Variants in GNG7 observed in about 807,000 individuals in gnomAD.
GNG7 encodes guanine nucleotide-binding protein G(I)/G(S)/G(O) subunit gamma-7.
GNG7 carries 1 observed loss-of-function variant against 4.0 expected under a neutral mutation model. The ratio of observed to expected loss-of-function variants is 0.25; its 90% CI spans 0.09 to 1.18. The LOEUF (loss-of-function observed/expected upper bound fraction) is 1.18, where lower values mean the gene tolerates loss of function less well. Among genes scored for constraint, GNG7 ranks in the 50% most tolerant of loss-of-function variants. The probability of loss-of-function intolerance (pLI) is 0.50; values close to 1 mark genes in which losing one functional copy is unlikely to be tolerated. For synonymous variants in GNG7, 34 were observed against 36.9 expected (o/e 0.92, Z 0.29); for missense variants, 86 against 91.9 (o/e 0.94, Z 0.26).
rs115940261 is a variant in GNG7, at chr19:2,672,440, C to T, written c.-134-26160G>A. Among the ~76,000 whole-genome samples, 728 of 145,674 alleles carry T rather than the reference C, an allele frequency of 5.0e-3. 7 individuals carry two copies. The highest frequency in any genetic ancestry group is 0.017 in the African/African-American group (680 of 40,680). On this transcript the variant is annotated intron_variant, in intron 1 of 4. Coordinates refer to ENST00000382159, the MANE Select transcript of GNG7 (RefSeq NM_052847.3). ...CAAAGTGTTGGAATTACAGGTGTGA[C>T]GCCCGATTTTTTTTTTTTTCTTTTG...
At chr19:2,584,446 A>G (rs1980585501) in intron 2 of GNG7, among the ~76,000 whole-genome samples, 1 of 151,422 alleles carries the variant, frequency 6.6e-6, no homozygotes, top group South Asian at 2.1e-4. Context: ...TTGTCTCAAA[A>G]AATAAAAAAA....
chr19:2,685,088 C>T (rs1456129111), intron 1 of GNG7, among the ~76,000 whole-genome samples: 1 of 151,530 alleles, frequency 6.6e-6, no homozygotes, highest in East Asian at 1.9e-4. Flanking sequence ...CGCACGACTG[C>T]ACTCCAGCCT....
chr19:2,638,943 C>G (rs770653818), intron 2 of GNG7, among the ~76,000 whole-genome samples: 2 of 152,080 alleles, frequency 1.3e-5, no homozygotes, highest in Non-Finnish European at 2.9e-5. Context: ...GTATAACAAA[C>G]ATTTAAAATC....
At chr19:2,554,844 T>C (rs1257548056) in intron 3 of GNG7, among the ~76,000 whole-genome samples, 1 of 152,186 alleles carries the variant, frequency 6.6e-6, no homozygotes, top group Admixed American at 6.6e-5. Flanking sequence ...CGTGAGCCAC[T>C]GCACCTGGCT....
chr19:2,631,550 GAACAGAGA>G (rs1341012564), intron 2 of GNG7, among the ~76,000 whole-genome samples: 2 of 152,170 alleles, frequency 1.3e-5, no homozygotes, highest in African/African-American at 4.8e-5. Context: ...ACAGGAAGTG[GAACAGAGA>G]ACTTGGCCCA....
At chr19:2,650,576 C>T (rs1286033807) in intron 1 of GNG7, among the ~76,000 whole-genome samples, 2 of 152,206 alleles carry the variant, frequency 1.3e-5, no homozygotes, top group Non-Finnish European at 1.5e-5. Flanking sequence ...CCCTGGCTGT[C>T]CTCAAGACCT....
intron 2 of GNG7, among the ~76,000 whole-genome samples, chr19:2,586,901 C>CT (rs763753755): frequency 1.6e-4 from 24 of 147,294 alleles, no homozygotes; most frequent in Non-Finnish European, 3.0e-4. Flanking sequence ...AGGAGAATCG[C>CT]TTGAGCCGGG....
chr19:2,525,869 GCGCGATCTCAGCTCACTGCAACCTC>G (rs1451420012), intron 3 of GNG7, among the ~76,000 whole-genome samples: 1 of 151,802 alleles, frequency 6.6e-6, no homozygotes, highest in African/African-American at 2.4e-5. Flanking sequence ...AAGTGCGGTG[GCGCGATCTCAGCTCACTGCAACCTC>G]CGCCTTCCGG....
intron 2 of GNG7, among the ~76,000 whole-genome samples, chr19:2,625,375 GT>G (rs558583509): frequency 1.1e-3 from 168 of 152,164 alleles, no homozygotes; most frequent in African/African-American, 3.9e-3. Flanking sequence ...CCCAGCCAGG[GT>G]TTTTATTTTT....
intron 1 of GNG7, among the ~76,000 whole-genome samples, chr19:2,686,160 A>ATT (rs200980036): frequency 2.1e-4 from 30 of 143,254 alleles, no homozygotes; most frequent in African/African-American, 5.1e-4. Context: ...CTGTCTCAGC[A>ATT]TTTTTTTTTT....
chr19:2,674,760 A>T (rs1983552290), intron 1 of GNG7, among the ~76,000 whole-genome samples: 1 of 152,200 alleles, frequency 6.6e-6, no homozygotes, highest in South Asian at 2.1e-4. Flanking sequence ...TTTAAAACAC[A>T]GAGGACACCT....
chr19:2,648,873 T>TG (rs111816187), intron 1 of GNG7, among the ~76,000 whole-genome samples: 1 of 118,320 alleles, frequency 8.5e-6, no homozygotes, highest in Non-Finnish European at 1.8e-5. Flanking sequence ...GAATCATGTG[T>TG]TTTTTTTTTT....
At chr19:2,571,197 C>A (rs1980135000) in intron 2 of GNG7, among the ~76,000 whole-genome samples, 1 of 152,148 alleles carries the variant, frequency 6.6e-6, no homozygotes, top group Non-Finnish European at 1.5e-5. Context: ...TGACGACGCC[C>A]AGTGTCTTCT....
intron 2 of GNG7, among the ~76,000 whole-genome samples, chr19:2,571,666 G>A (rs533883461): frequency 9.3e-5 from 13 of 139,400 alleles, no homozygotes; most frequent in African/African-American, 3.6e-4. Context: ...TGCGGTCTCG[G>A]CTCACTGCAA....
Position 2,546,069 on chromosome 19 carries a change from A to C in GNG7, c.-38+9080T>G, listed in dbSNP as rs900120945. On this transcript the variant is annotated intron_variant, in intron 3 of 4. Transcript: ENST00000382159. This position sits in a 1 kb window ranked among gnomAD's most constrained non-coding sequence, Gnocchi z 6.3. ...GGCACAGGGCAACGATCAGGCGTTG[A>C]TGTGTCCCCTGGCAGCTGGGATGCA... Among the ~76,000 whole-genome samples the C allele has an allele frequency of 3.3e-5, 5 of 152,222 alleles. No individual in the cohort carries two copies. Among genetic ancestry groups the C allele is most frequent in the African/African-American group, 4.8e-5 (2 of 41,464 alleles).
At chr19:2,553,830 T>G (rs1368057449) in intron 3 of GNG7, among the ~76,000 whole-genome samples, 5 of 39,908 alleles carry the variant, frequency 1.3e-4, no homozygotes, top group Non-Finnish European at 2.5e-4. Context: ...ATGTACATAT[T>G]ATATGTAATA....
intron 2 of GNG7, chr19:2,632,431 A>C (rs1982183261): frequency 7.5e-6 from 1 of 133,738 alleles, no homozygotes; most frequent in African/African-American, 3.8e-5. Flanking sequence ...CTCCATCTCA[A>C]AAAAAAAAAA....
At chr19:2,650,238 C>T (rs1982776466) in intron 1 of GNG7, among the ~76,000 whole-genome samples, 2 of 142,346 alleles carry the variant, frequency 1.4e-5, no homozygotes, top group South Asian at 4.5e-4. Context: ...GGCTGGAGTG[C>T]AGTGGGGCAC....
rs75789103 is a variant in GNG7 at position 2,618,288 on chromosome 19, T to C, written c.-78+27936A>G. 4.2e-3 allele frequency among the ~76,000 whole-genome samples: 640 copies of C among 152,226 alleles called. 5 individuals are homozygous for C. The highest frequency in any genetic ancestry group is 0.014 in the African/African-American group (598 of 41,528). ...GAGGACACAGATTACTCCTCACCCA[T>C]GCCCCTTGCAAAGCTCTCAGCCACA... On this transcript the variant is annotated intron_variant, in intron 2 of 4. Transcript: ENST00000382159. This position sits in a 1 kb window ranked among gnomAD's most constrained non-coding sequence, Gnocchi z 5.1.
Sources: allele counts gnomAD v4.1 joint callset (sites outside exome capture counted in the v4.1 genomes callset), GRCh38; gene constraint gnomAD v4.1.1; non-coding constraint Gnocchi (gnomAD v3.1); transcripts MANE v1.5; gene names NCBI Gene and HGNC (gene_info 2026-07-23, HGNC 2026-07-21).